The following RGS6 variants were observed in gnomAD, a reference collection of about 807,000 sequenced individuals.
RGS6 encodes the protein regulator of G protein signaling 6.
RGS6 carries 30 observed loss-of-function variants against 78.5 expected under a neutral mutation model. That is an observed-to-expected ratio of 0.38 (90% CI 0.29 to 0.52). RGS6 has a LOEUF of 0.52. Among genes scored for constraint, RGS6 ranks in the 20% least tolerant of loss-of-function variants. RGS6 has a pLI of 0.85. For missense variants in RGS6, 495 were observed against 609.7 expected, an observed-to-expected ratio of 0.81 and a Z score of 1.98; for synonymous variants, 206 against 206.0, an observed-to-expected ratio of 1.00 and a Z score of 0.00.
chr14:72,348,760 G>A (rs1489659137), intron 2 of RGS6, among the ~76,000 whole-genome samples: 1 of 152,240 alleles, frequency 6.6e-6, no homozygotes, highest in Non-Finnish European at 1.5e-5. Flanking sequence ...GACACTGAAT[G>A]TCAAGTATTT....
At chr14:72,247,632 T>C (rs990843206) in intron 2 of RGS6, among the ~76,000 whole-genome samples, 1 of 152,236 alleles carries the variant, frequency 6.6e-6, no homozygotes, top group Non-Finnish European at 1.5e-5. Context: ...GTTGAAAATG[T>C]AATTCCAATG....
chr14:72,388,697 G>C (rs904360239), intron 3 of RGS6, among the ~76,000 whole-genome samples: 7 of 152,100 alleles, frequency 4.6e-5, no homozygotes, highest in African/African-American at 1.7e-4. Flanking sequence ...TGACCCTCAG[G>C]CTTCTTAAGT....
chr14:72,013,861 C>G (rs1259684332), intron 2 of RGS6, among the ~76,000 whole-genome samples: 3 of 152,176 alleles, frequency 2.0e-5, no homozygotes, highest in Non-Finnish European at 2.9e-5. Flanking sequence ...GAGGCTGTTG[C>G]TCAAAGTGAA....
At chr14:72,308,083 C>G (rs2067675266) in intron 2 of RGS6, among the ~76,000 whole-genome samples, 1 of 152,156 alleles carries the variant, frequency 6.6e-6, no homozygotes, top group Non-Finnish European at 1.5e-5. Context: ...TTCTAATTTT[C>G]CAGGTGTACA....
chr14:72,341,401 T>A (rs1040164125), intron 2 of RGS6, among the ~76,000 whole-genome samples: 3 of 152,180 alleles, frequency 2.0e-5, no homozygotes, highest in African/African-American at 7.2e-5. Context: ...GGATTACAAT[T>A]CAACATGAGA....
the RGS6 span, among the ~76,000 whole-genome samples, chr14:71,901,278 G>T: frequency 6.6e-6 from 1 of 152,206 alleles, no homozygotes; most frequent in African/African-American, 2.4e-5. Flanking sequence ...TTTAGAGTCA[G>T]ACTTCCTTGA....
intron 2 of RGS6, among the ~76,000 whole-genome samples, chr14:72,322,193 A>G (rs913410123): frequency 6.6e-6 from 1 of 152,052 alleles, no homozygotes; most frequent in African/African-American, 2.4e-5. Context: ...AACCTCAGGA[A>G]AATATAAGGT....
intron 2 of RGS6, among the ~76,000 whole-genome samples, chr14:72,138,462 T>G (rs1057325299): frequency 3.3e-5 from 5 of 150,006 alleles, no homozygotes; most frequent in East Asian, 3.9e-4. Flanking sequence ...TTTTTTTTTT[T>G]TTTTTTTTTT....
intron 2 of RGS6, among the ~76,000 whole-genome samples, chr14:72,041,905 T>C (rs577533627): frequency 4.6e-5 from 7 of 152,170 alleles, no homozygotes; most frequent in Admixed American, 3.9e-4. Context: ...GAAATGTCAT[T>C]GTATTGGGGG....
chr14:72,444,707 G>T (rs1158237799), intron 3 of RGS6, among the ~76,000 whole-genome samples: 1 of 27,446 alleles, frequency 3.6e-5, no homozygotes, highest in Non-Finnish European at 7.4e-5. Flanking sequence ...GTCACCACGG[G>T]GTGCCGTTGT....
chr14:72,568,348 C>T (rs112885381), downstream of RGS6, among the ~76,000 whole-genome samples: 3,846 of 152,280 alleles, frequency 0.025, 144 homozygotes, highest in African/African-American at 0.083. Flanking sequence ...CTGGTGTTAG[C>T]TGGAGCCATG....
At chr14:72,418,332 A>G (rs559025667) in intron 3 of RGS6, among the ~76,000 whole-genome samples, 3 of 152,168 alleles carry the variant, frequency 2.0e-5, no homozygotes, top group East Asian at 3.9e-4. Context: ...ACAGCCGGCT[A>G]ATTTTTGTAT....
chr14:72,269,598 A>G (rs1231053182), intron 2 of RGS6, among the ~76,000 whole-genome samples: 2 of 121,760 alleles, frequency 1.6e-5, no homozygotes, highest in Admixed American at 9.4e-5. Context: ...TTTTTTTGAG[A>G]CAGAGTCTCT....
At chr14:72,337,158 C>T (rs1212697568) in intron 2 of RGS6, among the ~76,000 whole-genome samples, 1 of 152,064 alleles carries the variant, frequency 6.6e-6, no homozygotes, top group Non-Finnish European at 1.5e-5. Flanking sequence ...CAGATGGAGC[C>T]ACCATTAGGA....
At chr14:72,013,627 G>C (rs1261576102) in intron 2 of RGS6, among the ~76,000 whole-genome samples, 1 of 152,234 alleles carries the variant, frequency 6.6e-6, no homozygotes, top group African/African-American at 2.4e-5. Context: ...TTTGTGTACA[G>C]ATCCAGCTCT....
intron 13 of RGS6, among the ~76,000 whole-genome samples, chr14:72,505,928 T>C (rs1253063820): frequency 6.6e-6 from 1 of 152,216 alleles, no homozygotes; most frequent in East Asian, 1.9e-4. Flanking sequence ...CCTCCATCTC[T>C]AGCTGGGGGA....
intron 2 of RGS6, among the ~76,000 whole-genome samples, chr14:72,297,471 T>C (rs2065089395): frequency 6.6e-6 from 1 of 151,132 alleles, no homozygotes. Flanking sequence ...ATGTGCACAT[T>C]GTGCAGGTTA....
At chr14:72,361,709 T>A (rs1420571485) in intron 3 of RGS6, among the ~76,000 whole-genome samples, 1 of 151,858 alleles carries the variant, frequency 6.6e-6, no homozygotes, top group Non-Finnish European at 1.5e-5. Flanking sequence ...TTAGAGAAGG[T>A]GGTTGTGAGT....
At chr14:72,079,184 C>T (rs2094713027) in intron 2 of RGS6, among the ~76,000 whole-genome samples, 1 of 151,910 alleles carries the variant, frequency 6.6e-6, no homozygotes, top group African/African-American at 2.4e-5. Flanking sequence ...TTTTTTTCCC[C>T]CTATTTCTTC....
Sources: allele counts gnomAD v4.1 joint callset (sites outside exome capture counted in the v4.1 genomes callset), GRCh38; gene constraint gnomAD v4.1.1; transcripts MANE v1.5; gene names NCBI Gene and HGNC (gene_info 2026-07-23, HGNC 2026-07-21).